The following ZSCAN21 variants were observed in gnomAD, a reference collection of about 807,000 sequenced individuals.
ZSCAN21 encodes the protein zinc finger and SCAN domain containing 21, also known as zinc finger and SCAN domain-containing protein 21.
Under a neutral mutation model 35.6 loss-of-function variants are expected in ZSCAN21, and 26 were observed. The observed-to-expected ratio is 0.73, with a 90% CI of 0.54 to 1.01. ZSCAN21 has a LOEUF of 1.01. Ranked by LOEUF, ZSCAN21 falls within the 50% of genes least tolerant of loss-of-function variation. ZSCAN21 has a pLI of 0.00. For synonymous variants in ZSCAN21, 219 were observed against 219.3 expected, an observed-to-expected ratio of 1.00 and a Z score of 0.01; for missense variants, 593 against 587.1, an observed-to-expected ratio of 1.01 and a Z score of -0.10.
At position 100,057,139 on chromosome 7, in the gene ZSCAN21, C is replaced by T. The variant is rs375145287; in HGVS notation, c.133C>T (p.Arg45Cys). ...GKYLPSLEMF[R>C]QRFRQFGYHD... Reference sequence around the variant, plus strand: ...GTACCTTCCTAGCCTGGAGATGTTCCGCCAGCGCTTCAGGCAGTTTGGGTA... The same window carrying T: ...GTACCTTCCTAGCCTGGAGATGTTCTGCCAGCGCTTCAGGCAGTTTGGGTA... Residue 45 changes from arginine (R) to cysteine (C), a missense_variant, in exon 2 of 4, where the codon CGC becomes TGC. Transcript: ENST00000292450. 41 of 1,613,942 alleles carry T rather than the reference C, an allele frequency of 2.5e-5. No homozygotes were observed. The highest frequency in any genetic ancestry group is 4.0e-5 in the African/African-American group (3 of 74,906).
At position 100,051,178 on chromosome 7, in the gene ZSCAN21, C is replaced by CAAAAAAAAAAAAAAAAAAAAAAAAAAAA. The variant is rs369246193; in HGVS notation, c.-97+1362_-97+1363insAAAAAAAAAAAAAAAAAAAAAAAAAAAA. 9.9e-4 allele frequency among the ~76,000 whole-genome samples: 41 copies of CAAAAAAAAAAAAAAAAAAAAAAAAAAAA among 41,366 alleles called. 3 individuals are homozygous for CAAAAAAAAAAAAAAAAAAAAAAAAAAAA. The highest frequency in any genetic ancestry group is 1.6e-3 in the Non-Finnish European group (36 of 23,132). The allele number at this position is 41,366 out of a possible 152,430, so 27.1% of individuals were successfully genotyped here. On this transcript the variant is annotated intron_variant, in intron 1 of 3. Transcript: ENST00000292450. Reference sequence around the variant, plus strand: ...GGGAAACAAGAGTGAAACTACGTCTCAAAAAAAAAAAAAAAAAAAAAAAAA... The same window carrying CAAAAAAAAAAAAAAAAAAAAAAAAAAAA: ...GGGAAACAAGAGTGAAACTACGTCTCAAAAAAAAAAAAAAAAAAAAAAAAAAAAAAAAAAAAAAAAAAAAAAAAAAAAA...
At chr7:100,057,532 C>T in intron 2 of ZSCAN21, 127 bp downstream of exon 2, 1 of 1,393,112 alleles carries the variant, frequency 7.2e-7, no homozygotes, top group Non-Finnish European at 9.6e-7. Context: ...CTTGTTTCCT[C>T]CTATTTTTCT....
chr7:100,064,259 CAG>C lies in ZSCAN21; in HGVS notation c.1066_1067del (p.Glu356ArgfsTer35). Reference sequence around the variant, plus strand: ...CTTCTTAAACATCAGAGAATGCACACAGAAGAGGCGCCATATCAGTGCAAAGA... The same window carrying C: ...CTTCTTAAACATCAGAGAATGCACACAAGAGGCGCCATATCAGTGCAAAGA... On this transcript the variant is annotated frameshift_variant, in exon 4 of 4. Coordinates refer to ENST00000292450, the MANE Select transcript of ZSCAN21 (RefSeq NM_145914.3). LOFTEE classifies it high-confidence loss of function. The C allele has an allele frequency of 6.2e-7, 1 of 1,614,144 alleles. No homozygotes were observed.
chr7:100,053,489 G>A (rs936375784), intron 1 of ZSCAN21, among the ~76,000 whole-genome samples: 1 of 146,650 alleles, frequency 6.8e-6, no homozygotes, highest in East Asian at 2.0e-4. Flanking sequence ...TAACAGTTAC[G>A]TAAAGTTAAT....
rs1431498132 is a variant in ZSCAN21, at chr7:100,064,479, C to T, written c.1284C>T (p.Ser428=). The T allele has an allele frequency of 6.2e-7, 1 of 1,613,822 alleles. No homozygotes were observed. The highest frequency in any genetic ancestry group is 1.7e-5 in the Admixed American group (1 of 59,952). Residue 428 remains serine (S), a synonymous_variant, in exon 4 of 4, where the codon AGC becomes AGT. Transcript: ENST00000292450. ...AGTGTGGGAAAGCCTTCAACCACAGCTCCAACTTCAATAAACACCACAGAA... is the reference window on the plus strand; with the variant it reads ...AGTGTGGGAAAGCCTTCAACCACAGTTCCAACTTCAATAAACACCACAGAA... ...CKECGKAFNH[S]SNFNKHHRIH...
At chr7:100,062,843 C>T (rs1005361261) in intron 3 of ZSCAN21, among the ~76,000 whole-genome samples, 2 of 152,122 alleles carry the variant, frequency 1.3e-5, no homozygotes, top group African/African-American at 2.4e-5. Context: ...CACTGCACTC[C>T]AGCCTGGGCA....
intron 1 of ZSCAN21, among the ~76,000 whole-genome samples, chr7:100,055,966 A>C (rs1792060165): frequency 7.1e-6 from 1 of 141,088 alleles, no homozygotes; most frequent in Non-Finnish European, 1.5e-5. Context: ...TTTTAGACGG[A>C]GTCTCGCTCT....
intron 1 of ZSCAN21, among the ~76,000 whole-genome samples, chr7:100,053,034 G>A (rs1472599951): frequency 6.6e-6 from 1 of 151,374 alleles, no homozygotes; most frequent in Non-Finnish European, 1.5e-5. Flanking sequence ...GCTGAGGCAT[G>A]AGAATAACTT....
intron 1 of ZSCAN21, among the ~76,000 whole-genome samples, chr7:100,050,973 C>G (rs549011644): frequency 1.3e-5 from 2 of 151,510 alleles, no homozygotes; most frequent in Admixed American, 6.6e-5. Flanking sequence ...GAGTGCATCA[C>G]CTGAGGTCGG....
chr7:100,053,546 ATTT>A (rs1554358004), intron 1 of ZSCAN21, among the ~76,000 whole-genome samples: 1 of 79,488 alleles, frequency 1.3e-5, no homozygotes, highest in Non-Finnish European at 2.6e-5. Flanking sequence ...TACATACATA[ATTT>A]TTTTTTTTTT....
At chr7:100,062,510 G>T (rs1439044136) in intron 3 of ZSCAN21, among the ~76,000 whole-genome samples, 2 of 150,360 alleles carry the variant, frequency 1.3e-5, no homozygotes, top group Admixed American at 6.6e-5. Flanking sequence ...CAGGAGAATC[G>T]CTTGAACCTG....
intron 1 of ZSCAN21, among the ~76,000 whole-genome samples, chr7:100,054,997 C>G (rs1183903776): frequency 6.7e-6 from 1 of 149,550 alleles, no homozygotes; most frequent in Non-Finnish European, 1.5e-5. Flanking sequence ...GATCTGTCAC[C>G]CAGGCTGGAG....
chr7:100,056,122 G>A (rs1230190307), intron 1 of ZSCAN21, among the ~76,000 whole-genome samples: 2 of 150,612 alleles, frequency 1.3e-5, no homozygotes. Flanking sequence ...TGTATTTTTA[G>A]TAGAGATGAG....
At chr7:100,055,764 C>T (rs1416227518) in intron 1 of ZSCAN21, among the ~76,000 whole-genome samples, 1 of 151,570 alleles carries the variant, frequency 6.6e-6, no homozygotes, top group African/African-American at 2.4e-5. Context: ...CCTCAGCCTC[C>T]CGAATAGCTG....
Position 100,064,343 on chromosome 7 carries a change from C to G in ZSCAN21, c.1148C>G (p.Thr383Ser), listed in dbSNP as rs1183000361. The change falls in exon 4 of 4, where the codon ACT becomes AGT. Residue 383 changes from threonine to serine, a missense_variant. Physicochemically the swap from Thr to Ser is moderately conservative, Grantham distance 58. Coordinates refer to ENST00000292450, the MANE Select transcript of ZSCAN21 (RefSeq NM_145914.3). ...GSLIRHYRIH[T>S]GEKPYQCNEC... The stretch of plus-strand genomic sequence containing the variant: ...CTCATTCGTCACTATCGGATCCACA[C>G]TGGGGAGAAGCCTTATCAGTGTAAC... The G allele has an allele frequency of 1.9e-6, 3 of 1,614,062 alleles. No homozygotes were observed. In the African/African-American group the frequency reaches 4.0e-5, roughly 22 times the overall value.
Position 100,064,497 on chromosome 7 carries a change from C to A in ZSCAN21, c.1302C>A (p.His434Gln), listed in dbSNP as rs1264475783. ...AFNHSSNFNK[H>Q]HRIHTGEKPY... ...ACCACAGCTCCAACTTCAATAAACA[C>A]CACAGAATCCACACCGGGGAAAAGC... Residue 434 changes from histidine to glutamine, a missense_variant, in exon 4 of 4, where the codon CAC becomes CAA. Transcript: ENST00000292450. The A allele has an allele frequency of 6.2e-7, 1 of 1,613,944 alleles. No homozygotes were observed. The highest frequency in any genetic ancestry group is 8.5e-7 in the Non-Finnish European group (1 of 1,180,020).
intron 3 of ZSCAN21, among the ~76,000 whole-genome samples, chr7:100,061,322 G>A (rs1792281663): frequency 6.6e-6 from 1 of 152,152 alleles, no homozygotes; most frequent in Admixed American, 6.6e-5. Flanking sequence ...AGGAGTTTGA[G>A]GCTAGCCTGA....
chr7:100,055,504 G>A (rs946055535), intron 1 of ZSCAN21, among the ~76,000 whole-genome samples: 1 of 152,012 alleles, frequency 6.6e-6, no homozygotes, highest in African/African-American at 2.4e-5. Flanking sequence ...GGCCTGCCTC[G>A]GACTCCCAGA....
intron 3 of ZSCAN21, 130 bp from the exon 4 acceptor site, chr7:100,063,658 C>T (rs1792461499): frequency 1.3e-6 from 1 of 780,698 alleles, no homozygotes; most frequent in South Asian, 1.9e-5. Flanking sequence ...TATCTATGCG[C>T]TATCATGAGC....
Sources: allele counts gnomAD v4.1 joint callset (sites outside exome capture counted in the v4.1 genomes callset), GRCh38; gene constraint gnomAD v4.1.1; transcripts MANE v1.5; gene names NCBI Gene and HGNC (gene_info 2026-07-23, HGNC 2026-07-21).